Variants in GALNT1 observed in about 807,000 individuals in gnomAD.
GALNT1 encodes polypeptide N-acetylgalactosaminyltransferase 1, also known as GalNAc transferase 1.
A neutral mutation model predicts 65.7 loss-of-function variants in GALNT1; 17 were observed. The observed-to-expected ratio is 0.26, with a 90% CI of 0.18 to 0.39. The LOEUF (loss-of-function observed/expected upper bound fraction) is 0.39, where lower values mean the gene tolerates loss of function less well. Ranked by LOEUF, GALNT1 falls within the 10% of genes least tolerant of loss-of-function variation. The pLI, the probability that GALNT1 is intolerant of heterozygous loss-of-function variation, is 1.00. For missense variants in GALNT1, 460 were observed against 672.8 expected (o/e 0.68, Z 3.50); for synonymous variants, 210 against 219.7 (o/e 0.96, Z 0.39).
chr18:35,700,735 G>A (rs1308236797), intron 9 of GALNT1, among the ~76,000 whole-genome samples: 3 of 152,028 alleles, frequency 2.0e-5, no homozygotes, highest in Non-Finnish European at 2.9e-5. Context: ...CTCCTGCCTC[G>A]GCCTCCCAAA....
intron 1 of GALNT1, among the ~76,000 whole-genome samples, chr18:35,608,881 A>C (rs582871): frequency 8.0e-4 from 121 of 151,922 alleles, no homozygotes; most frequent in African/African-American, 2.8e-3. Context: ...ACTAGCCATC[A>C]TAGGGGCACT....
rs1258154257 is a variant in GALNT1, at chr18:35,581,777, G to A, written c.-189G>A. 4 of 374 alleles carry A rather than the reference G, an allele frequency of 0.011. No homozygotes were observed. Among genetic ancestry groups the A allele is most frequent in the South Asian group, 0.1 (3 of 30 alleles). 0.0% of individuals were successfully genotyped at this position (374 alleles called of 1,614,324 possible). Reference sequence around the variant, plus strand: ...GCGCGCGGCGGACGGCGGCCCGAGAGTAGCGCGCTGGCCGCGGGACCGGCC... The same window carrying A: ...GCGCGCGGCGGACGGCGGCCCGAGAATAGCGCGCTGGCCGCGGGACCGGCC... On this transcript the variant is annotated 5_prime_UTR_variant, in exon 1 of 12. Coordinates refer to ENST00000269195, the MANE Select transcript of GALNT1 (RefSeq NM_020474.4).
chr18:35,708,330 C>T (rs1275186706), intron 11 of GALNT1, among the ~76,000 whole-genome samples: 1 of 152,088 alleles, frequency 6.6e-6, no homozygotes, highest in African/African-American at 2.4e-5. Context: ...GAATCCTGAA[C>T]CTAAAGACAG....
At chr18:35,641,776 T>C (rs2047167148) in intron 1 of GALNT1, among the ~76,000 whole-genome samples, 1 of 152,170 alleles carries the variant, frequency 6.6e-6, no homozygotes, top group Non-Finnish European at 1.5e-5. Flanking sequence ...GGAAAACAAA[T>C]TGGTGATATC....
chr18:35,663,928 A>G, intron 3 of GALNT1, 126 bp downstream of exon 3: 1 of 785,416 alleles, frequency 1.3e-6, no homozygotes, highest in South Asian at 1.7e-5. Flanking sequence ...TACTTACCCC[A>G]CTTAGAAAAT....
chr18:35,668,963 C>T (rs776127292), intron 3 of GALNT1, among the ~76,000 whole-genome samples: 17 of 152,126 alleles, frequency 1.1e-4, no homozygotes, highest in South Asian at 2.1e-4. Context: ...TACACACAGC[C>T]GGGCGCACTG....
intron 1 of GALNT1, among the ~76,000 whole-genome samples, chr18:35,635,589 G>A (rs777623676): frequency 7.2e-5 from 11 of 152,114 alleles, no homozygotes; most frequent in Non-Finnish European, 1.5e-4. Flanking sequence ...GTGTTAACTC[G>A]ATTCATACAG....
chr18:35,655,506 T>C (rs535573801), intron 2 of GALNT1, among the ~76,000 whole-genome samples: 1 of 151,696 alleles, frequency 6.6e-6, no homozygotes, highest in Non-Finnish European at 1.5e-5. Flanking sequence ...ATTCTTTTTT[T>C]TTTTTTTTGT....
rs377277330 is a variant in GALNT1 at position 35,654,776 on chromosome 18, G to A, written c.114G>A (p.Lys38=). ...FSECNKCDEK[K]ERGLPAGDVL... ...AATGCAACAAATGTGATGAAAAAAA[G>A]GAGAGAGGACTTCCTGCTGGAGATG... Residue 38 remains lysine, a synonymous_variant, in exon 2 of 12, where the codon AAG becomes AAA. Coordinates refer to ENST00000269195, the MANE Select transcript of GALNT1 (RefSeq NM_020474.4). 1.7e-5 allele frequency: 26 copies of A among 1,557,536 alleles called. No homozygotes were observed. The highest frequency in any genetic ancestry group is 2.3e-5 in the Non-Finnish European group (26 of 1,148,578).
Position 35,692,205 on chromosome 18 carries a change from A to C in GALNT1, c.1184A>C (p.Asp395Ala), listed in dbSNP as rs759998430. The C allele has an allele frequency of 1.2e-6, 2 of 1,610,800 alleles. No individual in the cohort carries two copies. The highest frequency in any genetic ancestry group is 1.3e-5 in the African/African-American group (1 of 74,766). Residue 395 changes from aspartate (D) to alanine (A), a missense_variant, in exon 9 of 12, where the codon GAT becomes GCT. By Grantham distance (126) the Asp-to-Ala change is moderately radical (BLOSUM62 -2). Transcript: ENST00000269195. The stretch of plus-strand genomic sequence containing the variant: ...GGTGTTACAAAGGTAGATTATGGAG[A>C]TATATCGTCAAGAGTTGGTCTAAGA... The part of the protein sequence containing the change: ...SPGVTKVDYG[D>A]ISSRVGLRHK...
At chr18:35,600,201 A>T (rs1273674877) in intron 1 of GALNT1, among the ~76,000 whole-genome samples, 1 of 152,038 alleles carries the variant, frequency 6.6e-6, no homozygotes, top group Non-Finnish European at 1.5e-5. Context: ...TTCTTTCATC[A>T]GTGTTTTATA....
intron 3 of GALNT1, among the ~76,000 whole-genome samples, chr18:35,671,036 A>G (rs1185294242): frequency 6.6e-6 from 1 of 152,222 alleles, no homozygotes; most frequent in African/African-American, 2.4e-5. Context: ...CACATAGGAG[A>G]AAATATCTTT....
chr18:35,605,246 C>T (rs960366767), intron 1 of GALNT1, among the ~76,000 whole-genome samples: 12 of 152,034 alleles, frequency 7.9e-5, no homozygotes, highest in Admixed American at 2.0e-4. Context: ...CGGTGGCTCA[C>T]GCCTGTAATC....
intron 3 of GALNT1, among the ~76,000 whole-genome samples, chr18:35,669,242 G>GA (rs929790838): frequency 6.9e-5 from 10 of 145,728 alleles, no homozygotes; most frequent in African/African-American, 1.3e-4. Flanking sequence ...CCATCTCGAA[G>GA]AAAAAAAAAA....
intron 1 of GALNT1, among the ~76,000 whole-genome samples, chr18:35,608,643 C>A (rs1000094937): frequency 6.6e-6 from 1 of 152,072 alleles, no homozygotes; most frequent in African/African-American, 2.4e-5. Flanking sequence ...ATTGTAGACA[C>A]AAAAGAAAGA....
At chr18:35,701,180 T>G (rs2048157145) in intron 9 of GALNT1, among the ~76,000 whole-genome samples, 1 of 152,112 alleles carries the variant, frequency 6.6e-6, no homozygotes, top group African/African-American at 2.4e-5. Flanking sequence ...CAAGTGATCC[T>G]CCCACCTCAG....
At chr18:35,702,804 GT>G in intron 9 of GALNT1, 92 bp from the exon 10 acceptor site, 1 of 763,202 alleles carries the variant, frequency 1.3e-6, no homozygotes, top group South Asian at 2.6e-5. Flanking sequence ...GCCAGGGAAA[GT>G]TTAGGTTGAT....
In GALNT1 at chr18:35,684,821, C is replaced by T. The variant is rs1251081946; in HGVS notation, c.689+1223C>T. Among the ~76,000 whole-genome samples, 5 of 152,216 alleles carry T rather than the reference C, an allele frequency of 3.3e-5. No homozygotes were observed. The East Asian group carries it at 9.6e-4, about 29-fold the overall frequency. On this transcript the variant is annotated intron_variant, in intron 5 of 11. Coordinates refer to ENST00000269195, the MANE Select transcript of GALNT1 (RefSeq NM_020474.4). ...GGGTTTCTGCTGAACTTTGGGGTCA[C>T]TAAGCTTCTGCCTTGAGAGACAAAT...
At chr18:35,703,116 G>T in intron 10 of GALNT1, 121 bp downstream of exon 10, 1 of 586,486 alleles carries the variant, frequency 1.7e-6, no homozygotes, top group East Asian at 2.9e-5. Flanking sequence ...AAATAATAAA[G>T]ACTTTTAGGT....
Sources: allele counts gnomAD v4.1 joint callset (sites outside exome capture counted in the v4.1 genomes callset), GRCh38; gene constraint gnomAD v4.1.1; transcripts MANE v1.5; gene names NCBI Gene and HGNC (gene_info 2026-07-23, HGNC 2026-07-21).